Variants in ANKRD44 observed in about 807,000 individuals in gnomAD.
The protein encoded by ANKRD44 is ankyrin repeat domain 44, also known as serine/threonine-protein phosphatase 6 regulatory ankyrin repeat subunit B.
Under a neutral mutation model 116.0 loss-of-function variants are expected in ANKRD44, and 35 were observed. The ratio of observed to expected loss-of-function variants is 0.30; its 90% CI spans 0.23 to 0.40. The LOEUF is 0.40. Ranked by LOEUF, ANKRD44 falls within the 10% of genes least tolerant of loss-of-function variation. ANKRD44 has a pLI of 1.00. For missense variants in ANKRD44, 1,014 were observed against 1,242.6 expected, an observed-to-expected ratio of 0.82 and a Z score of 2.77; for synonymous variants, 435 against 461.8, an observed-to-expected ratio of 0.94 and a Z score of 0.74.
intron 2 of ANKRD44, among the ~76,000 whole-genome samples, chr2:197,178,261 A>G (rs2125569193): frequency 6.6e-6 from 1 of 152,306 alleles, no homozygotes; most frequent in African/African-American, 2.4e-5. Flanking sequence ...ACTTGAGGCC[A>G]GAAGTTTGAG....
intron 16 of ANKRD44, among the ~76,000 whole-genome samples, chr2:197,045,137 G>T (rs1165144332): frequency 6.6e-6 from 1 of 151,658 alleles, no homozygotes; most frequent in East Asian, 1.9e-4. Flanking sequence ...GAAGCAGTTG[G>T]GCTATACAAG....
chr2:197,088,242 T>C (rs925948650), intron 12 of ANKRD44, among the ~76,000 whole-genome samples: 1 of 152,240 alleles, frequency 6.6e-6, no homozygotes, highest in African/African-American at 2.4e-5. Context: ...TTGGGTTTTC[T>C]TGACCTATGT....
At chr2:197,245,244 A>G (rs1180325250) in intron 1 of ANKRD44, among the ~76,000 whole-genome samples, 1 of 152,210 alleles carries the variant, frequency 6.6e-6, no homozygotes, top group Non-Finnish European at 1.5e-5. Flanking sequence ...TGGGCAACAG[A>G]GCAAGACTCC....
At chr2:197,141,337 T>G (rs916871068) in intron 3 of ANKRD44, among the ~76,000 whole-genome samples, 1 of 152,230 alleles carries the variant, frequency 6.6e-6, no homozygotes, top group Non-Finnish European at 1.5e-5. Context: ...CCATTTGTAA[T>G]TCATTTTCTG....
At chr2:197,057,825 T>G (rs2077232968) in intron 16 of ANKRD44, among the ~76,000 whole-genome samples, 1 of 152,176 alleles carries the variant, frequency 6.6e-6, no homozygotes, top group Non-Finnish European at 1.5e-5. Context: ...TCTACTGCAC[T>G]CTAGCCTGGG....
At chr2:197,107,653 CA>C (rs1362784805) in intron 9 of ANKRD44, among the ~76,000 whole-genome samples, 1 of 152,148 alleles carries the variant, frequency 6.6e-6, no homozygotes, top group Non-Finnish European at 1.5e-5. Flanking sequence ...TGCAATTTAA[CA>C]AAACAAATAA....
intron 2 of ANKRD44, among the ~76,000 whole-genome samples, chr2:197,186,128 C>T (rs760742291): frequency 2.6e-5 from 4 of 152,062 alleles, no homozygotes; most frequent in Non-Finnish European, 4.4e-5. Context: ...AAATAAAAAC[C>T]ATTTTTAGCA....
intron 13 of ANKRD44, among the ~76,000 whole-genome samples, chr2:197,086,437 A>C (rs1006738232): frequency 6.6e-5 from 10 of 152,056 alleles, no homozygotes; most frequent in African/African-American, 2.4e-4. Flanking sequence ...TTTGTCTTTT[A>C]ACTGAAAAAA....
chr2:197,156,420 A>G (rs1234562235), intron 2 of ANKRD44, among the ~76,000 whole-genome samples: 1 of 152,210 alleles, frequency 6.6e-6, no homozygotes, highest in Non-Finnish European at 1.5e-5. Flanking sequence ...CATACTTATT[A>G]AAATTGCTAA....
intron 1 of ANKRD44, 66 bp downstream of exon 1, chr2:197,310,512 C>G (rs1175949409): frequency 2.0e-6 from 2 of 989,082 alleles, no homozygotes; most frequent in Non-Finnish European, 2.4e-6. Context: ...GCGCCCCCAT[C>G]CCCCCGCCGG....
chr2:196,978,557 G>C (rs1245330190), intron 21 of ANKRD44, among the ~76,000 whole-genome samples: 2 of 152,122 alleles, frequency 1.3e-5, no homozygotes, highest in Non-Finnish European at 2.9e-5. Context: ...GTCTAGAATT[G>C]GCAAATTCAT....
At chr2:196,985,441 A>G (rs1030460573), downstream of ANKRD44, among the ~76,000 whole-genome samples, 5 of 152,230 alleles carry the variant, frequency 3.3e-5, no homozygotes, top group African/African-American at 1.2e-4. Context: ...CCTGTTTTAC[A>G]TTCTTTAAGA....
chr2:197,125,322 C>T, intron 6 of ANKRD44, 59 bp downstream of exon 6: 1 of 1,443,824 alleles, frequency 6.9e-7, no homozygotes, highest in Non-Finnish European at 9.8e-7. Context: ...CAATGAGAGA[C>T]CCATGGCTTA....
Position 197,212,301 on chromosome 2 carries a change from G to A in ANKRD44, c.28-25195C>T, listed in dbSNP as rs1406222. The stretch of plus-strand genomic sequence containing the variant: ...GGCTTTTATGAGCCAGTAAGTGTGT[G>A]AGCTTAGATCATGGATAATTTTCAA... On this transcript the variant is annotated intron_variant, in intron 1 of 27. Transcript: ENST00000282272. This position sits in a 1 kb window ranked among gnomAD's most constrained non-coding sequence, Gnocchi z 4.8. Among the ~76,000 whole-genome samples, 50,287 of 151,958 alleles carry A rather than the reference G, an allele frequency of 0.33. 8,833 individuals carry two copies. Among genetic ancestry groups the A allele is most frequent in the African/African-American group, 0.46 (19,178 of 41,400 alleles).
At chr2:197,000,706 T>C (rs1458226269) in intron 22 of ANKRD44, among the ~76,000 whole-genome samples, 1 of 152,224 alleles carries the variant, frequency 6.6e-6, no homozygotes, top group Non-Finnish European at 1.5e-5. Context: ...TAGAAGTTTA[T>C]TGCACTTATG....
chr2:197,034,931 C>G (rs962823851), intron 16 of ANKRD44, among the ~76,000 whole-genome samples: 1 of 152,128 alleles, frequency 6.6e-6, no homozygotes, highest in Non-Finnish European at 1.5e-5. Context: ...CTGAGATGCA[C>G]AATGGAGTTT....
chr2:197,102,939 T>C (rs527877137), intron 9 of ANKRD44, among the ~76,000 whole-genome samples: 5 of 152,026 alleles, frequency 3.3e-5, no homozygotes, highest in Admixed American at 6.6e-5. Flanking sequence ...TCAAAAAAAT[T>C]TGGGGGGTGG....
At chr2:197,162,986 G>A (rs528859368) in intron 2 of ANKRD44, among the ~76,000 whole-genome samples, 5 of 152,082 alleles carry the variant, frequency 3.3e-5, no homozygotes, top group Admixed American at 2.0e-4. Context: ...ACAGAGAACC[G>A]GTTGTCTACT....
At chr2:197,286,329 G>C (rs1281840880) in intron 1 of ANKRD44, among the ~76,000 whole-genome samples, 1 of 151,530 alleles carries the variant, frequency 6.6e-6, no homozygotes, top group Admixed American at 6.6e-5. Flanking sequence ...TCTTTAAAGA[G>C]TATCTAAGGA....
Sources: allele counts gnomAD v4.1 joint callset (sites outside exome capture counted in the v4.1 genomes callset), GRCh38; gene constraint gnomAD v4.1.1; non-coding constraint Gnocchi (gnomAD v3.1); transcripts MANE v1.5; gene names NCBI Gene and HGNC (gene_info 2026-07-23, HGNC 2026-07-21).